Variants in SGCD observed in about 807,000 individuals in gnomAD.
SGCD encodes the protein delta-sarcoglycan.
In SGCD, 18 loss-of-function variants were observed where a neutral mutation model predicts 36.6. The ratio of observed to expected loss-of-function variants is 0.49; its 90% confidence interval spans 0.34 to 0.73. The LOEUF (loss-of-function observed/expected upper bound fraction) is 0.73. Ranked by LOEUF, SGCD falls within the 30% of genes least tolerant of loss-of-function variation. The pLI, the probability that SGCD is intolerant of heterozygous loss-of-function variation, is 0.01. For synonymous variants in SGCD, 133 were observed against 130.6 expected (o/e 1.02, Z -0.12); for missense variants, 387 against 346.7 (o/e 1.12, Z -0.92).
At chr5:155,956,453 C>T (rs1486504712) in intron 1 of SGCD, among the ~76,000 whole-genome samples, 1 of 152,038 alleles carries the variant, frequency 6.6e-6, no homozygotes, top group Non-Finnish European at 1.5e-5. Context: ...CTGCTCATAC[C>T]TTGAGCTTGG....
the SGCD span, among the ~76,000 whole-genome samples, chr5:155,849,533 G>A: frequency 2.0e-5 from 3 of 151,982 alleles, no homozygotes. Context: ...CATACCTGTG[G>A]ACTCTTTAAT....
intron 4 of SGCD, among the ~76,000 whole-genome samples, chr5:156,561,942 A>C (rs1217583537): frequency 6.6e-6 from 1 of 152,216 alleles, no homozygotes; most frequent in Non-Finnish European, 1.5e-5. Flanking sequence ...CACCGTGAAG[A>C]TTAAATAAGA....
chr5:155,995,194 TA>T (rs1206263737), intron 1 of SGCD, among the ~76,000 whole-genome samples: 3 of 152,150 alleles, frequency 2.0e-5, no homozygotes, highest in African/African-American at 4.8e-5. Context: ...AAAAAGGACT[TA>T]AAAATGCCCC....
the SGCD span, among the ~76,000 whole-genome samples, chr5:155,811,005 G>C: frequency 6.8e-6 from 1 of 147,388 alleles, no homozygotes; most frequent in Admixed American, 6.8e-5. Flanking sequence ...TTTTAGTAGA[G>C]ACGGGGTTTC....
intron 4 of SGCD, among the ~76,000 whole-genome samples, chr5:156,541,850 C>T (rs774712518): frequency 8.5e-5 from 13 of 152,142 alleles, no homozygotes; most frequent in Non-Finnish European, 1.2e-4. Flanking sequence ...TTGGCAAATA[C>T]AGGAACCAGA....
intron 3 of SGCD, among the ~76,000 whole-genome samples, chr5:156,378,556 C>A (rs1161424745): frequency 1.3e-5 from 2 of 151,968 alleles, no homozygotes; most frequent in Admixed American, 1.3e-4. Flanking sequence ...TAATTCCCCC[C>A]ACCTATACAG....
At chr5:156,334,605 T>TTTTC (rs1251438932) in intron 2 of SGCD, among the ~76,000 whole-genome samples, 6 of 123,292 alleles carry the variant, frequency 4.9e-5, no homozygotes, top group Admixed American at 8.9e-5. Context: ...TGCTGGTCTA[T>TTTTC]TTTCTTTTTT....
chr5:156,651,802 AT>A (rs921109307), intron 7 of SGCD, among the ~76,000 whole-genome samples: 9 of 150,218 alleles, frequency 6.0e-5, no homozygotes, highest in South Asian at 4.2e-4. Flanking sequence ...GAATTTTAGA[AT>A]TTTTTTTTTC....
chr5:156,192,556 AGTAGAGTAGG>A (rs1561558986), intron 3 of SGCD, among the ~76,000 whole-genome samples: 1 of 152,090 alleles, frequency 6.6e-6, no homozygotes, highest in Non-Finnish European at 1.5e-5. Flanking sequence ...AACGTTTGAC[AGTAGAGTAGG>A]GTGACTAGTT....
At chr5:156,303,735 G>T (rs1252208069) in intron 3 of SGCD, among the ~76,000 whole-genome samples, 2 of 151,764 alleles carry the variant, frequency 1.3e-5, no homozygotes, top group Non-Finnish European at 2.9e-5. Context: ...GGCCTAGGGT[G>T]TGTCTATATA....
chr5:156,402,386 A>G (rs1580934250), intron 3 of SGCD, among the ~76,000 whole-genome samples: 1 of 152,202 alleles, frequency 6.6e-6, no homozygotes, highest in Non-Finnish European at 1.5e-5. Context: ...GCATAGAGCA[A>G]TTTTTTGCAA....
chr5:155,741,972 A>G, the SGCD span, among the ~76,000 whole-genome samples: 1 of 152,074 alleles, frequency 6.6e-6, no homozygotes, highest in Non-Finnish European at 1.5e-5. Context: ...GGCGTGAGCC[A>G]CTGTGCCTGG....
intron 1 of SGCD, among the ~76,000 whole-genome samples, chr5:155,885,778 A>G (rs1031106308): frequency 1.3e-4 from 19 of 150,970 alleles, no homozygotes; most frequent in Non-Finnish European, 1.9e-4. Context: ...TAACACCATA[A>G]ATCTTCAAAC....
chr5:155,897,889 C>T (rs1367154468), intron 1 of SGCD, among the ~76,000 whole-genome samples: 2 of 152,152 alleles, frequency 1.3e-5, no homozygotes, highest in Non-Finnish European at 2.9e-5. Context: ...TGACTTGTTC[C>T]TTCTACACTG....
chr5:155,881,382 G>A (rs1042869188), intron 1 of SGCD, among the ~76,000 whole-genome samples: 4 of 152,168 alleles, frequency 2.6e-5, no homozygotes, highest in African/African-American at 9.6e-5. Flanking sequence ...TGCATATAAA[G>A]TTTTGTTTAC....
intron 1 of SGCD, among the ~76,000 whole-genome samples, chr5:155,916,053 C>T (rs111885664): frequency 1.3e-5 from 2 of 152,144 alleles, no homozygotes; most frequent in Admixed American, 1.3e-4. Context: ...TACAAGCCCC[C>T]GGAGGCCATA....
chr5:156,311,496 T>TA (rs1486176837), intron 3 of SGCD, among the ~76,000 whole-genome samples: 1 of 152,070 alleles, frequency 6.6e-6, no homozygotes, highest in Non-Finnish European at 1.5e-5. Context: ...AATTATCAAA[T>TA]AAAAAAGTCT....
At chr5:155,953,212 T>A (rs113344472) in intron 1 of SGCD, among the ~76,000 whole-genome samples, 19 of 152,236 alleles carry the variant, frequency 1.2e-4, no homozygotes, top group African/African-American at 4.6e-4. Flanking sequence ...TTTTTAGGGA[T>A]CCTTATTGTT....
At chr5:156,484,286 A>G (rs1208264390) in intron 3 of SGCD, among the ~76,000 whole-genome samples, 2 of 152,250 alleles carry the variant, frequency 1.3e-5, no homozygotes, top group Non-Finnish European at 2.9e-5. Context: ...AAAATAAAGC[A>G]AGAGAAGTAA....
Sources: gnomAD v4.1 joint callset for allele counts (sites outside exome capture counted in the v4.1 genomes callset) on GRCh38, gnomAD v4.1.1 for gene constraint, MANE v1.5 for transcripts, NCBI Gene and HGNC (gene_info 2026-07-23, HGNC 2026-07-21) for gene names.